FAM193A: variants seen among roughly 807,000 people sequenced by gnomAD.
FAM193A encodes family with sequence similarity 193 member A.
In FAM193A, 22 loss-of-function variants were observed where a neutral mutation model predicts 126.5. The ratio of observed to expected loss-of-function variants is 0.17; its 90% CI spans 0.12 to 0.25. The LOEUF is 0.25. Among genes scored for constraint, FAM193A ranks in the 10% least tolerant of loss-of-function variants. The pLI, the probability that FAM193A is intolerant of heterozygous loss-of-function variation, is 1.00. For synonymous variants in FAM193A, 761 were observed against 646.8 expected (o/e 1.18, Z -2.68); for missense variants, 1,675 against 1,672.8 (o/e 1.00, Z -0.02).
intron 2 of FAM193A, among the ~76,000 whole-genome samples, chr4:2,619,312 A>C (rs1413261902): frequency 6.7e-6 from 1 of 149,132 alleles, no homozygotes; most frequent in East Asian, 2.0e-4. Context: ...TTTCTTTTTT[A>C]TTTTTTTGAG....
chr4:2,608,234 AGTGG>A, intron 2 of FAM193A: 4 of 958,558 alleles, frequency 4.2e-6, no homozygotes, highest in Non-Finnish European at 6.2e-6. Flanking sequence ...TATGGAGTGC[AGTGG>A]TGCAATCCTG....
At chr4:2,587,753 T>G (rs1381871800) in intron 1 of FAM193A, among the ~76,000 whole-genome samples, 3 of 152,038 alleles carry the variant, frequency 2.0e-5, no homozygotes, top group Non-Finnish European at 4.4e-5. Context: ...GGTGGACAAC[T>G]CTGAAGGAAT....
intron 1 of FAM193A, among the ~76,000 whole-genome samples, chr4:2,539,580 C>A (rs1214698066): frequency 6.6e-6 from 1 of 151,972 alleles, no homozygotes; most frequent in South Asian, 2.1e-4. Context: ...CTAATTTGTT[C>A]TTTTAATATA....
At chr4:2,641,610 G>A (rs758700050) in intron 6 of FAM193A, among the ~76,000 whole-genome samples, 5 of 151,884 alleles carry the variant, frequency 3.3e-5, no homozygotes, top group Admixed American at 2.6e-4. Flanking sequence ...AGCTGAAATC[G>A]TGCCACTGCA....
chr4:2,657,781 G>GT (rs1196894485), intron 7 of FAM193A, 22 bp from the exon 8 acceptor site: 7 of 1,549,504 alleles, frequency 4.5e-6, no homozygotes, highest in Non-Finnish European at 5.2e-6. Context: ...TTTTTTTTCT[G>GT]TTTTTTACAT....
intron 2 of FAM193A, chr4:2,615,307 TTTC>T (rs1369007122): frequency 6.6e-6 from 1 of 152,208 alleles, no homozygotes; most frequent in Non-Finnish European, 1.5e-5. Context: ...ATTTGAGACC[TTTC>T]TTCTTTTCTA....
intron 1 of FAM193A, among the ~76,000 whole-genome samples, chr4:2,577,654 A>G (rs1473213580): frequency 6.6e-6 from 1 of 151,962 alleles, no homozygotes; most frequent in East Asian, 1.9e-4. Flanking sequence ...CCTGACCTCA[A>G]GTGATCCACC....
At chr4:2,645,540 T>C (rs1229247119) in intron 6 of FAM193A, among the ~76,000 whole-genome samples, 2 of 152,156 alleles carry the variant, frequency 1.3e-5, no homozygotes, top group Non-Finnish European at 2.9e-5. Flanking sequence ...TTTTCTTTTT[T>C]TATTGAGGCA....
At chr4:2,610,864 A>G (rs1309850169) in intron 2 of FAM193A, among the ~76,000 whole-genome samples, 1 of 151,356 alleles carries the variant, frequency 6.6e-6, no homozygotes, top group African/African-American at 2.4e-5. Flanking sequence ...CAGTCTCCCA[A>G]GTAGCTGAGA....
In FAM193A at chr4:2,606,045, C is replaced by CTTTTTT. The variant is rs1170025017; in HGVS notation, c.501+9734_501+9739dup. 2.5e-4 allele frequency among the ~76,000 whole-genome samples: 15 copies of CTTTTTT among 61,008 alleles called. 4 individuals carry two copies. The highest frequency in any genetic ancestry group is 6.1e-4 in the African/African-American group (9 of 14,706). The allele number at this position is 61,008 out of a possible 152,430, so 40.0% of individuals were successfully genotyped here. A position where few individuals can be genotyped will look rare whatever the true frequency, so the allele number is the denominator to read the frequency against. ...CGTGTTTTGTATATTTTGCAAACCT[C>CTTTTTT]TTTTTTTTTTTTTTTTTTTTTTTGA... On this transcript the variant is annotated intron_variant, in intron 2 of 20. Coordinates refer to ENST00000637812, the MANE Select transcript of FAM193A (RefSeq NM_001366318.2).
At chr4:2,655,407 T>A (rs1221687980) in intron 7 of FAM193A, among the ~76,000 whole-genome samples, 1 of 151,930 alleles carries the variant, frequency 6.6e-6, no homozygotes, top group Non-Finnish European at 1.5e-5. Context: ...ATTTATTAGC[T>A]GATATTTGAT....
At chr4:2,677,734 A>C (rs1289248307) in intron 13 of FAM193A, among the ~76,000 whole-genome samples, 1 of 144,190 alleles carries the variant, frequency 6.9e-6, no homozygotes, top group Non-Finnish European at 1.5e-5. Context: ...AGAGGGAAAC[A>C]CTGTCTCAAA....
intron 4 of FAM193A, among the ~76,000 whole-genome samples, chr4:2,628,303 T>C (rs1365056569): frequency 1.3e-5 from 2 of 152,214 alleles, no homozygotes; most frequent in Non-Finnish European, 1.5e-5. Flanking sequence ...GGGTTTGACC[T>C]GTGAGCCACT....
At chr4:2,611,457 G>A (rs1038677933) in intron 2 of FAM193A, among the ~76,000 whole-genome samples, 4 of 151,062 alleles carry the variant, frequency 2.6e-5, no homozygotes, top group Non-Finnish European at 5.9e-5. Flanking sequence ...TATTTTTAGT[G>A]GAAACGGGGT....
chr4:2,584,295 C>G (rs1274701873), intron 1 of FAM193A, among the ~76,000 whole-genome samples: 1 of 151,914 alleles, frequency 6.6e-6, no homozygotes, highest in African/African-American at 2.4e-5. Flanking sequence ...TGCTTGGTGG[C>G]TCGCACCTGT....
intron 7 of FAM193A, 54 bp from the exon 8 acceptor site, chr4:2,657,749 G>A (rs1031709427): frequency 5.3e-6 from 6 of 1,125,538 alleles, no homozygotes; most frequent in African/African-American, 1.6e-5. Flanking sequence ...TTGTATAATT[G>A]TCGCAGGTAT....
chr4:2,621,424 A>C (rs1742538911), intron 2 of FAM193A, among the ~76,000 whole-genome samples: 1 of 152,206 alleles, frequency 6.6e-6, no homozygotes, highest in African/African-American at 2.4e-5. Flanking sequence ...TCAGAGGCTC[A>C]CTGACTAAGG....
At chr4:2,581,368 C>T (rs1400413431) in intron 1 of FAM193A, among the ~76,000 whole-genome samples, 1 of 151,390 alleles carries the variant, frequency 6.6e-6, no homozygotes, top group African/African-American at 2.4e-5. Flanking sequence ...ATTCTCCTGC[C>T]TCAGCCTCCC....
chr4:2,688,509 C>T (rs990936235), intron 13 of FAM193A, among the ~76,000 whole-genome samples: 3 of 151,980 alleles, frequency 2.0e-5, no homozygotes, highest in Admixed American at 1.3e-4. Flanking sequence ...GGTGAATAGG[C>T]GTGTGCCGGC....
Sources: gnomAD v4.1 joint callset for allele counts (sites outside exome capture counted in the v4.1 genomes callset) on GRCh38, gnomAD v4.1.1 for gene constraint, MANE v1.5 for transcripts, NCBI Gene and HGNC (gene_info 2026-07-23, HGNC 2026-07-21) for gene names.